COL26A1: variants seen among roughly 807,000 people sequenced by gnomAD.
COL26A1 encodes collagen alpha-1(XXVI) chain.
Under a neutral mutation model 59.3 loss-of-function variants are expected in COL26A1, and 41 were observed. That is an observed-to-expected ratio of 0.69 (90% confidence interval 0.54 to 0.90). The LOEUF (loss-of-function observed/expected upper bound fraction) is 0.90. Ranked by LOEUF, COL26A1 falls within the 40% of genes least tolerant of loss-of-function variation. COL26A1 has a pLI of 0.00. For missense variants in COL26A1, 612 were observed against 602.3 expected (o/e 1.02, Z -0.17); for synonymous variants, 266 against 256.0 (o/e 1.04, Z -0.37).
At chr7:101,400,351 C>CTTTTTTTTTTTTTTTT (rs1387032420) in intron 1 of COL26A1, among the ~76,000 whole-genome samples, 1 of 123,352 alleles carries the variant, frequency 8.1e-6, no homozygotes. Flanking sequence ...CTTTTTTTTC[C>CTTTTTTTTTTTTTTTT]TATTTTTTTT....
In COL26A1 at chr7:101,472,548, T is replaced by C. The variant is rs144575325; in HGVS notation, c.385+24761T>C. ...TCCAACAGGTGGATCCATTCCGCCA[T>C]GGAGGGGTTGTGCTAAGCATGTATG... On this transcript the variant is annotated intron_variant, in intron 3 of 12. Transcript: ENST00000313669. Among the ~76,000 whole-genome samples the C allele has an allele frequency of 7.2e-5, 11 of 152,220 alleles. No homozygotes were observed. In the East Asian group the frequency reaches 1.9e-3, roughly 27 times the overall value.
intron 3 of COL26A1, among the ~76,000 whole-genome samples, chr7:101,488,085 C>T (rs1023213811): frequency 2.7e-5 from 4 of 149,898 alleles, no homozygotes; most frequent in Non-Finnish European, 5.9e-5. Flanking sequence ...CCACCCTGGC[C>T]AACATGGTGA....
intron 1 of COL26A1, among the ~76,000 whole-genome samples, chr7:101,367,510 C>CA (rs1302162101): frequency 1.4e-5 from 2 of 142,310 alleles, no homozygotes; most frequent in Non-Finnish European, 3.0e-5. Context: ...ACTAAAAATA[C>CA]AAAAATTAGC....
intron 1 of COL26A1, among the ~76,000 whole-genome samples, chr7:101,405,773 G>C (rs1157423198): frequency 6.6e-6 from 1 of 152,104 alleles, no homozygotes; most frequent in Non-Finnish European, 1.5e-5. Flanking sequence ...AAACCACACA[G>C]CCTGCTTGGC....
chr7:101,543,995 C>T lies in COL26A1; in HGVS notation c.605-3C>T, dbSNP rs770251613. On this transcript the variant is annotated splice_polypyrimidine_tract_variant and splice_region_variant and intron_variant, in intron 5 of 12. Transcript: ENST00000313669. ...CTGATGCCCTGTCTCCTTCTCTCCC[C>T]AGGGCCCCCGGGGCAGACAGGACCA... 2.4e-5 allele frequency: 38 copies of T among 1,558,798 alleles called. No homozygotes were observed. The highest frequency in any genetic ancestry group is 1.1e-4 in the African/African-American group (8 of 73,504).
At chr7:101,402,554 T>G (rs1286905087) in intron 1 of COL26A1, among the ~76,000 whole-genome samples, 1 of 151,362 alleles carries the variant, frequency 6.6e-6, no homozygotes, top group Non-Finnish European at 1.5e-5. Flanking sequence ...TTTCTTTCTC[T>G]TTTTCTTTCT....
intron 3 of COL26A1, among the ~76,000 whole-genome samples, chr7:101,450,530 C>T (rs1793305479): frequency 6.6e-6 from 1 of 152,102 alleles, no homozygotes; most frequent in Non-Finnish European, 1.5e-5. Context: ...CTGTGACCAA[C>T]CTGGACATTC....
At chr7:101,502,696 G>T (rs1187375489) in intron 3 of COL26A1, among the ~76,000 whole-genome samples, 1 of 152,192 alleles carries the variant, frequency 6.6e-6, no homozygotes, top group Non-Finnish European at 1.5e-5. Flanking sequence ...TGGATTGGGA[G>T]CCCCCTCATC....
At chr7:101,553,022 G>A (rs985189503) in intron 10 of COL26A1, among the ~76,000 whole-genome samples, 1 of 152,178 alleles carries the variant, frequency 6.6e-6, no homozygotes, top group Non-Finnish European at 1.5e-5. Flanking sequence ...TCCTGGAAGG[G>A]CCCAGGCATG....
At chr7:101,402,693 C>CTGCTTCCTTTCAT (rs1792042176) in intron 1 of COL26A1, among the ~76,000 whole-genome samples, 2 of 112,140 alleles carry the variant, frequency 1.8e-5, no homozygotes, top group Admixed American at 2.4e-4. Flanking sequence ...CCTCCTTTCA[C>CTGCTTCCTTTCAT]TGCTTCCTTT....
At chr7:101,510,671 C>A (rs1275808655) in intron 3 of COL26A1, among the ~76,000 whole-genome samples, 1 of 152,130 alleles carries the variant, frequency 6.6e-6, no homozygotes, top group African/African-American at 2.4e-5. Context: ...CCATGCCCAG[C>A]TAATTTTTTA....
intron 3 of COL26A1, among the ~76,000 whole-genome samples, chr7:101,481,912 C>CG (rs1794164632): frequency 6.6e-6 from 1 of 152,042 alleles, no homozygotes; most frequent in Non-Finnish European, 1.5e-5. Flanking sequence ...AAAGAATTAT[C>CG]GGGACTAGGT....
chr7:101,487,759 G>A (rs190033391), intron 3 of COL26A1, among the ~76,000 whole-genome samples: 1,963 of 152,252 alleles, frequency 0.013, 36 homozygotes, highest in African/African-American at 0.045. Flanking sequence ...CCCACGCCCT[G>A]TCACTGGGGC....
chr7:101,550,491 T>C (rs1198481291), intron 9 of COL26A1, among the ~76,000 whole-genome samples: 1 of 151,926 alleles, frequency 6.6e-6, no homozygotes, highest in African/African-American at 2.4e-5. Flanking sequence ...TAATTAAATA[T>C]GTAAAAATAG....
At chr7:101,446,279 A>G (rs1205790332) in intron 2 of COL26A1, among the ~76,000 whole-genome samples, 1 of 152,158 alleles carries the variant, frequency 6.6e-6, no homozygotes, top group Non-Finnish European at 1.5e-5. Flanking sequence ...TCCAAACCCT[A>G]TCACATACAT....
intron 1 of COL26A1, among the ~76,000 whole-genome samples, chr7:101,417,307 C>G (rs10242252): frequency 1.3e-5 from 2 of 151,358 alleles, no homozygotes; most frequent in African/African-American, 2.4e-5. Context: ...GAATGGGAAA[C>G]GAGTGTGTAA....
At chr7:101,397,842 G>C (rs1791896862) in intron 1 of COL26A1, among the ~76,000 whole-genome samples, 1 of 152,254 alleles carries the variant, frequency 6.6e-6, no homozygotes, top group South Asian at 2.1e-4. Flanking sequence ...CTGGTCTAAA[G>C]TGTATAATCT....
At chr7:101,513,330 A>AT (rs901706931) in intron 3 of COL26A1, among the ~76,000 whole-genome samples, 29 of 149,260 alleles carry the variant, frequency 1.9e-4, no homozygotes, top group Non-Finnish European at 3.4e-4. Context: ...ATTTATTTTT[A>AT]TTTTTATTTA....
At chr7:101,452,575 C>A (rs1479845882) in intron 3 of COL26A1, among the ~76,000 whole-genome samples, 1 of 152,122 alleles carries the variant, frequency 6.6e-6, no homozygotes, top group Non-Finnish European at 1.5e-5. Context: ...GATGTACTTA[C>A]AGAAACCTAG....
Sources: allele counts gnomAD v4.1 joint callset (sites outside exome capture counted in the v4.1 genomes callset), GRCh38; gene constraint gnomAD v4.1.1; transcripts MANE v1.5; gene names NCBI Gene and HGNC (gene_info 2026-07-23, HGNC 2026-07-21).